Variants in SLC35E3 observed in about 807,000 individuals in gnomAD.
SLC35E3 encodes bladder cancer-overexpressed gene 1 protein.
SLC35E3 carries 28 observed loss-of-function variants against 30.8 expected under a neutral mutation model. The observed-to-expected ratio is 0.91, with a 90% CI of 0.67 to 1.25. The LOEUF (loss-of-function observed/expected upper bound fraction) is 1.25, where lower values mean the gene tolerates loss of function less well. SLC35E3 is among the 50% of genes most tolerant of loss of function. The pLI is 0.00. For synonymous variants in SLC35E3, 146 were observed against 149.2 expected, an observed-to-expected ratio of 0.98 and a Z score of 0.16; for missense variants, 365 against 375.4, an observed-to-expected ratio of 0.97 and a Z score of 0.23.
chr12:68,764,920 C>A lies in SLC35E3; in HGVS notation c.*30C>A. The A allele has an allele frequency of 6.3e-7, 1 of 1,593,098 alleles. No homozygotes were observed. Among genetic ancestry groups the A allele is most frequent in the African/African-American group, 1.4e-5 (1 of 73,804 alleles). On this transcript the variant is annotated 3_prime_UTR_variant, in exon 5 of 5. Coordinates refer to ENST00000398004, the MANE Select transcript of SLC35E3 (RefSeq NM_018656.5). ...GTTTTTGTGGAGAAAAGAATGTTGTCCCAAGAAGATAAAAAATATTGTTAA... is the reference window on the plus strand; with the variant it reads ...GTTTTTGTGGAGAAAAGAATGTTGTACCAAGAAGATAAAAAATATTGTTAA...
chr12:68,757,664 T>C (rs1879072658), intron 3 of SLC35E3, among the ~76,000 whole-genome samples: 1 of 152,362 alleles, frequency 6.6e-6, no homozygotes, highest in African/African-American at 2.4e-5. Flanking sequence ...GCAGTGATCA[T>C]CATGATTTTT....
rs1274760065 is a variant in SLC35E3 at position 68,779,024 on chromosome 12, G to C, written c.*14134G>C. ...GGAGGCTGAGGCAGGAGAATTGCTT[G>C]AACCCAGGAGGTGGAGGTTGCAATG... On this transcript the variant is annotated 3_prime_UTR_variant, in exon 5 of 5. Transcript: ENST00000398004. The C allele has an allele frequency of 6.6e-6, 1 of 152,368 alleles. No individual in the cohort carries two copies. The allele number at this position is 152,368 out of a possible 1,614,324, so 9.4% of individuals were successfully genotyped here. A position where few individuals can be genotyped will look rare whatever the true frequency, so the allele number is the denominator to read the frequency against.
chr12:68,761,092 G>C (rs1879218995), intron 4 of SLC35E3, among the ~76,000 whole-genome samples: 1 of 152,246 alleles, frequency 6.6e-6, no homozygotes, highest in Non-Finnish European at 1.5e-5. Context: ...GGAAGCCTGT[G>C]TGGTTAGAGC....
rs1279494281 is a variant in SLC35E3 at position 68,767,848 on chromosome 12, G to A, written c.*2958G>A. 24 of 152,162 alleles carry A rather than the reference G, an allele frequency of 1.6e-4. 1 individual carries two copies. Among genetic ancestry groups the A allele is most frequent in the Admixed American group, 1.6e-3 (24 of 15,278 alleles). The allele number at this position is 152,162 out of a possible 1,614,324, so 9.4% of individuals were successfully genotyped here. A position where few individuals can be genotyped will look rare whatever the true frequency, so the allele number is the denominator to read the frequency against. On this transcript the variant is annotated 3_prime_UTR_variant, in exon 5 of 5. Coordinates refer to ENST00000398004, the MANE Select transcript of SLC35E3 (RefSeq NM_018656.5). ...AGAGCAATTAGTTTTTACCAGATAA[G>A]CCTCGGGTATTATGTTTGTCTAAGA... is the stretch of plus-strand genomic sequence containing the variant.
rs531665283 is a variant in SLC35E3 at position 68,761,560 on chromosome 12, C to G, written c.755+2321C>G. On this transcript the variant is annotated intron_variant, in intron 4 of 4. Coordinates refer to ENST00000398004, the MANE Select transcript of SLC35E3 (RefSeq NM_018656.5). ...TTTCAGCAGGCCTGGGCTCTACCAC[C>G]AGATGCCAGTAGCATACATACCCTT... 2.0e-5 allele frequency among the ~76,000 whole-genome samples: 3 copies of G among 152,216 alleles called. No individual in the cohort carries two copies. The East Asian group carries it at 5.8e-4, about 29-fold the overall frequency.
chr12:68,774,535 C>T lies in SLC35E3; in HGVS notation c.*9645C>T, dbSNP rs76182282. On this transcript the variant is annotated 3_prime_UTR_variant, in exon 5 of 5. Coordinates refer to ENST00000398004, the MANE Select transcript of SLC35E3 (RefSeq NM_018656.5). ...CAGAGGTTGCAGTGAGCTGAGACCA[C>T]GCCATTGCACTCCAGCCTGGGCAAC... 0.06 allele frequency: 9,148 copies of T among 151,764 alleles called. 308 individuals are homozygous for T. Among genetic ancestry groups the T allele is most frequent in the East Asian group, 0.14 (707 of 5,154 alleles). 9.4% of individuals were successfully genotyped at this position (151,764 alleles called of 1,614,324 possible).
At chr12:68,755,772 C>T (rs192780921) in intron 3 of SLC35E3, among the ~76,000 whole-genome samples, 102 of 152,284 alleles carry the variant, frequency 6.7e-4, no homozygotes, top group Non-Finnish European at 1.2e-3. Context: ...CAAGAACTCA[C>T]TCATTACCCT....
chr12:68,759,083 G>T (rs191230254), intron 3 of SLC35E3, 74 bp from the exon 4 acceptor site: 11 of 1,091,208 alleles, frequency 1.0e-5, no homozygotes, highest in Admixed American at 6.2e-5. Flanking sequence ...TTAAAATGCC[G>T]AATGAAATGT....
chr12:68,771,842 A>G lies in SLC35E3; in HGVS notation c.*6952A>G, dbSNP rs566261400. ...CAAAGCCTTTGGGCAGCTTGCTCAAATCTTACTTCTCAGTTTCTTCACCTA... is the reference window on the plus strand; with the variant it reads ...CAAAGCCTTTGGGCAGCTTGCTCAAGTCTTACTTCTCAGTTTCTTCACCTA... On this transcript the variant is annotated 3_prime_UTR_variant, in exon 5 of 5. Transcript: ENST00000398004. 1.8e-4 allele frequency: 28 copies of G among 152,398 alleles called. No homozygotes were observed. Among genetic ancestry groups the G allele is most frequent in the African/African-American group, 6.0e-4 (25 of 41,568 alleles). The allele number at this position is 152,398 out of a possible 1,614,324, so 9.4% of individuals were successfully genotyped here.
In SLC35E3 at chr12:68,774,309, GTGGTTCACACCTGCAATCTC is replaced by G. The variant is rs1161719811; in HGVS notation, c.*9420_*9439del. On this transcript the variant is annotated 3_prime_UTR_variant, in exon 5 of 5. Coordinates refer to ENST00000398004, the MANE Select transcript of SLC35E3 (RefSeq NM_018656.5). ...AAAATTAGTCAGGTGGCCAGGCGTA[GTGGTTCACACCTGCAATCTC>G]AGCACTTTGGAAGGCTGAGGTGGGT... 2 of 152,190 alleles carry G rather than the reference GTGGTTCACACCTGCAATCTC, an allele frequency of 1.3e-5. No individual in the cohort carries two copies. Among genetic ancestry groups the G allele is most frequent in the African/African-American group, 4.8e-5 (2 of 41,412 alleles). 9.4% of individuals were successfully genotyped at this position (152,190 alleles called of 1,614,324 possible). A position where few individuals can be genotyped will look rare whatever the true frequency, so the allele number is the denominator to read the frequency against.
intron 2 of SLC35E3, among the ~76,000 whole-genome samples, chr12:68,748,438 G>T (rs1283552746): frequency 1.3e-5 from 2 of 151,972 alleles, no homozygotes; most frequent in African/African-American, 4.8e-5. Flanking sequence ...AAAAATTTCA[G>T]ATTTTTAGAT....
intron 4 of SLC35E3, among the ~76,000 whole-genome samples, chr12:68,762,566 G>A (rs1317141419): frequency 6.6e-6 from 1 of 152,166 alleles, no homozygotes; most frequent in African/African-American, 2.4e-5. Flanking sequence ...CTGGAGTAAA[G>A]TGCAGAACTG....
At chr12:68,758,287 G>A (rs997510388) in intron 3 of SLC35E3, among the ~76,000 whole-genome samples, 6 of 152,006 alleles carry the variant, frequency 3.9e-5, no homozygotes, top group African/African-American at 1.4e-4. Context: ...GGGCGCAGTG[G>A]CAGGCGCCTG....
chr12:68,780,879 C>G lies in SLC35E3; in HGVS notation c.*15989C>G, dbSNP rs1261690854. On this transcript the variant is annotated 3_prime_UTR_variant, in exon 5 of 5. Transcript: ENST00000398004. ...ATTTGAAGCATTTTCTCCACCAGGCCTAAGGCTGAAGGAATGTAGTTTGCT... is the reference window on the plus strand; with the variant it reads ...ATTTGAAGCATTTTCTCCACCAGGCGTAAGGCTGAAGGAATGTAGTTTGCT... The G allele has an allele frequency of 6.6e-6, 1 of 152,210 alleles. No homozygotes were observed. The highest frequency in any genetic ancestry group is 2.4e-5 in the African/African-American group (1 of 41,468). 9.4% of individuals were successfully genotyped at this position (152,210 alleles called of 1,614,324 possible).
At position 68,764,794 on chromosome 12, in the gene SLC35E3, T is replaced by C; in HGVS notation, c.846T>C (p.Leu282=). The change falls in exon 5 of 5, where the codon CTT becomes CTC. Residue 282 remains leucine, a synonymous_variant. Transcript: ENST00000398004. ...FKDPLSINQA[L]GILCTLFGIL... ...ATCCACTGTCCATTAATCAGGCCCTTGGCATTTTATGTACATTATTTGGCA... is the reference window on the plus strand; with the variant it reads ...ATCCACTGTCCATTAATCAGGCCCTCGGCATTTTATGTACATTATTTGGCA... 6.2e-7 allele frequency: 1 copy of C among 1,614,202 alleles called. No individual in the cohort carries two copies. Among genetic ancestry groups the C allele is most frequent in the South Asian group, 1.1e-5 (1 of 91,090 alleles).
intron 4 of SLC35E3, among the ~76,000 whole-genome samples, chr12:68,760,347 A>G (rs1473306632): frequency 6.6e-6 from 1 of 152,252 alleles, no homozygotes; most frequent in East Asian, 1.9e-4. Context: ...GATATTTGCC[A>G]ACTATCAATA....
At chr12:68,752,723 G>T (rs1249583593) in intron 3 of SLC35E3, among the ~76,000 whole-genome samples, 1 of 151,908 alleles carries the variant, frequency 6.6e-6, no homozygotes, top group Non-Finnish European at 1.5e-5. Context: ...ATTAAGAAAT[G>T]GGCAGGGTGT....
intron 3 of SLC35E3, among the ~76,000 whole-genome samples, chr12:68,755,212 C>G (rs1878958031): frequency 6.6e-6 from 1 of 152,198 alleles, no homozygotes; most frequent in Non-Finnish European, 1.5e-5. Context: ...GCCCCACCTC[C>G]CAATACCATC....
intron 2 of SLC35E3, among the ~76,000 whole-genome samples, chr12:68,751,755 A>T (rs1186581033): frequency 6.6e-6 from 1 of 152,128 alleles, no homozygotes; most frequent in East Asian, 1.9e-4. Context: ...ATTTACTAGG[A>T]TCAGGTAGAA....
Sources: allele counts gnomAD v4.1 joint callset (sites outside exome capture counted in the v4.1 genomes callset), GRCh38; gene constraint gnomAD v4.1.1; transcripts MANE v1.5; gene names NCBI Gene and HGNC (gene_info 2026-07-23, HGNC 2026-07-21).